PICK1: variants seen among roughly 807,000 people sequenced by gnomAD.
The protein encoded by PICK1 is protein interacting with PRKCA 1.
A neutral mutation model predicts 48.9 loss-of-function variants in PICK1; 23 were observed. The ratio of observed to expected loss-of-function variants is 0.47; its 90% CI spans 0.34 to 0.67. PICK1 has a LOEUF of 0.67. Among genes scored for constraint, PICK1 ranks in the 30% least tolerant of loss-of-function variants. PICK1 has a pLI of 0.01. For missense variants in PICK1, 423 were observed against 557.1 expected, an observed-to-expected ratio of 0.76 and a Z score of 2.42; for synonymous variants, 217 against 228.2, an observed-to-expected ratio of 0.95 and a Z score of 0.44.
At chr22:38,063,106 A>G (rs1222704282) in intron 3 of PICK1, among the ~76,000 whole-genome samples, 2 of 150,650 alleles carry the variant, frequency 1.3e-5, no homozygotes, top group Non-Finnish European at 3.0e-5. Context: ...TGCTTTCTGT[A>G]TTCTCTGTTC....
At position 38,075,030 on chromosome 22, in the gene PICK1, G is replaced by C. The variant is rs762939296; in HGVS notation, c.1146G>C (p.Glu382Asp). 6.8e-6 allele frequency: 11 copies of C among 1,612,578 alleles called. No individual in the cohort carries two copies. The highest frequency in any genetic ancestry group is 8.5e-6 in the Non-Finnish European group (10 of 1,179,638). ...ACCAGGAGGAGTTCACAGATGGGGA[G>C]GAGGAGGAGGAGGAGGAAGACACGG... ...GLNQEEFTDG[E>D]EEEEEEDTAA... Residue 382 changes from glutamate to aspartate, a missense_variant, in exon 13 of 13, where the codon GAG becomes GAC. Transcript: ENST00000356976.
At position 38,073,485 on chromosome 22, in the gene PICK1, AT is replaced by A. The variant is rs547163331; in HGVS notation, c.784-287del. Among the ~76,000 whole-genome samples, 136 of 152,352 alleles carry A rather than the reference AT, an allele frequency of 8.9e-4. No homozygotes were observed. Among genetic ancestry groups the A allele is most frequent in the Non-Finnish European group, 1.7e-3 (117 of 68,044 alleles). Reference sequence around the variant, plus strand: ...CCAAGGTTCCTTTGCTGCAGGACTTATCAGAGCCTTTGCTAGGCTGATGTGC... The same window carrying A: ...CCAAGGTTCCTTTGCTGCAGGACTTACAGAGCCTTTGCTAGGCTGATGTGC... On this transcript the variant is annotated intron_variant, in intron 10 of 12. Coordinates refer to ENST00000356976, the MANE Select transcript of PICK1 (RefSeq NM_012407.4). The surrounding 1 kb of genome is among the most constrained non-coding windows in gnomAD (Gnocchi z 5.7).
chr22:38,068,082 C>T (rs766399450), intron 5 of PICK1: 10 of 517,160 alleles, frequency 1.9e-5, no homozygotes, highest in South Asian at 4.6e-5. Context: ...GCCAGCGCCT[C>T]GGCTTCCATG....
intron 7 of PICK1, 38 bp downstream of exon 7, chr22:38,070,929 C>T: frequency 6.4e-7 from 1 of 1,558,200 alleles, no homozygotes; most frequent in Non-Finnish European, 8.9e-7. Flanking sequence ...ACTAGCTCTA[C>T]CCCAGGGAGC....
chr22:38,062,540 G>T (rs1193515773), intron 3 of PICK1, among the ~76,000 whole-genome samples: 1 of 152,084 alleles, frequency 6.6e-6, no homozygotes, highest in East Asian at 1.9e-4. Flanking sequence ...GAGCCACCAT[G>T]CCCGGCCCCA....
chr22:38,064,781 C>G (rs143837052), intron 3 of PICK1, among the ~76,000 whole-genome samples: 2 of 152,220 alleles, frequency 1.3e-5, no homozygotes, highest in Non-Finnish European at 2.9e-5. Context: ...AATCATTTGA[C>G]TATGTATTTG....
At chr22:38,069,198 C>T (rs759023839) in intron 6 of PICK1, 76 bp downstream of exon 6, 71 of 1,065,954 alleles carry the variant, frequency 6.7e-5, no homozygotes, top group Non-Finnish European at 9.2e-5. Flanking sequence ...ACCATGGCTG[C>T]CCACCAAGCT....
At position 38,074,066 on chromosome 22, in the gene PICK1, G is replaced by C; in HGVS notation, c.835-241G>C. 1 of 630,792 alleles carries C rather than the reference G, an allele frequency of 1.6e-6. No individual in the cohort carries two copies. The highest frequency in any genetic ancestry group is 2.7e-5 in the East Asian group (1 of 36,612). 39.1% of individuals were successfully genotyped at this position (630,792 alleles called of 1,614,324 possible). On this transcript the variant is annotated intron_variant, in intron 11 of 12. Transcript: ENST00000356976. The surrounding 1 kb of genome is among the most constrained non-coding windows in gnomAD (Gnocchi z 4.5). ...AATCGGATTTTCTTCACTCCTATGA[G>C]GCGCTTTTAAGTGTTTGATTTTTCT...
In PICK1 at chr22:38,066,526, T is replaced by TA. The variant is rs753112475; in HGVS notation, c.283-1177dup. ...CTGGGCAGGGATTACTCTCCCATCT[T>TA]ACAGGTGTCCACAGGCGGGGAGTGA... On this transcript the variant is annotated intron_variant, in intron 4 of 12. Transcript: ENST00000356976. This position sits in a 1 kb window ranked among gnomAD's most constrained non-coding sequence, Gnocchi z 4.1. 5.9e-5 allele frequency among the ~76,000 whole-genome samples: 9 copies of TA among 152,338 alleles called. No individual in the cohort carries two copies. Among genetic ancestry groups the TA allele is most frequent in the Non-Finnish European group, 1.0e-4 (7 of 68,026 alleles).
intron 6 of PICK1, 124 bp from the exon 7 acceptor site, chr22:38,070,713 TG>T: frequency 1.2e-6 from 1 of 814,998 alleles, no homozygotes; most frequent in Non-Finnish European, 2.1e-6. Context: ...TCCCCCTCCC[TG>T]GGACCCCTGA....
In PICK1 at chr22:38,059,363, G is replaced by A. The variant is rs1195603345; in HGVS notation, c.153+18G>A. The stretch of plus-strand genomic sequence containing the variant: ...TCGTCCAGGTATTGGGCGCTTTGGA[G>A]GGGGGCACAAGGTACATCCCTACTT... On this transcript the variant is annotated intron_variant, in intron 3 of 12. Transcript: ENST00000356976. The A allele has an allele frequency of 4.7e-6, 7 of 1,488,418 alleles. No homozygotes were observed. The highest frequency in any genetic ancestry group is 1.2e-5 in the South Asian group (1 of 82,768). 92.2% of individuals were successfully genotyped at this position (1,488,418 alleles called of 1,614,324 possible). A position where few individuals can be genotyped will look rare whatever the true frequency, so the allele number is the denominator to read the frequency against.
intron 6 of PICK1, among the ~76,000 whole-genome samples, chr22:38,070,267 C>T (rs761135828): frequency 3.9e-5 from 6 of 152,250 alleles, no homozygotes; most frequent in Admixed American, 6.5e-5. Flanking sequence ...TGCTGTCCAT[C>T]GCCCGGCCAC....
chr22:38,058,067 G>A, intron 2 of PICK1: 1 of 606,882 alleles, frequency 1.6e-6, no homozygotes, highest in Non-Finnish European at 3.0e-6. Context: ...GGCACTATTA[G>A]CATGACTTGG....
At chr22:38,060,006 G>C (rs1332569291) in intron 3 of PICK1, among the ~76,000 whole-genome samples, 1 of 152,208 alleles carries the variant, frequency 6.6e-6, no homozygotes, top group African/African-American at 2.4e-5. Context: ...GAGGTCAGGA[G>C]TTCGAGACCA....
rs570689009 is a variant in PICK1 at position 38,069,228 on chromosome 22, T to C, written c.439+106T>C. On this transcript the variant is annotated intron_variant, in intron 6 of 12. Transcript: ENST00000356976. Reference sequence around the variant, plus strand: ...CAAGCTGCTGTGGGTCCCGCGGGTCTGACCCTGGCCTCTGCCCGTGGAACT... The same window carrying C: ...CAAGCTGCTGTGGGTCCCGCGGGTCCGACCCTGGCCTCTGCCCGTGGAACT... The C allele has an allele frequency of 2.0e-4, 162 of 810,310 alleles. 2 individuals are homozygous for C. The African/African-American group carries it at 2.6e-3, about 13-fold the overall frequency. 50.2% of individuals were successfully genotyped at this position (810,310 alleles called of 1,614,324 possible).
At position 38,069,088 on chromosome 22, in the gene PICK1, T is replaced by C. The variant is rs761319828; in HGVS notation, c.405T>C (p.Asp135=). The change falls in exon 6 of 13, where the codon GAT becomes GAC. Residue 135 remains aspartate (D), a synonymous_variant. Coordinates refer to ENST00000356976, the MANE Select transcript of PICK1 (RefSeq NM_012407.4). ...LVENMSSGTA[D]ALGLSRAILC... ...AGAACATGAGTTCAGGGACCGCAGATGCTCTGGGCCTGAGCCGGGCCATCC... is the reference window on the plus strand; with the variant it reads ...AGAACATGAGTTCAGGGACCGCAGACGCTCTGGGCCTGAGCCGGGCCATCC... 2 of 1,612,796 alleles carry C rather than the reference T, an allele frequency of 1.2e-6. No individual in the cohort carries two copies. Among genetic ancestry groups the C allele is most frequent in the Admixed American group, 3.3e-5 (2 of 59,930 alleles).
chr22:38,061,845 A>G (rs2145860400), intron 3 of PICK1, among the ~76,000 whole-genome samples: 1 of 152,098 alleles, frequency 6.6e-6, no homozygotes, highest in East Asian at 1.9e-4. Context: ...TTGATCTATC[A>G]CCTGTAAATA....
chr22:38,057,864 TC>T lies in PICK1; in HGVS notation c.41+19del. ...AGAGGATAAACTGTGAGTATTTTAT[TC>T]CCCCAAGTTCCAGCAGTATAGGAGC... On this transcript the variant is annotated intron_variant, in intron 2 of 12. Transcript: ENST00000356976. 6.2e-7 allele frequency: 1 copy of T among 1,606,912 alleles called. No homozygotes were observed. The highest frequency in any genetic ancestry group is 8.5e-7 in the Non-Finnish European group (1 of 1,173,430).
At position 38,057,406 on chromosome 22, in the gene PICK1, C is replaced by T. The variant is rs1270352025; in HGVS notation, c.-239C>T. 4.3e-6 allele frequency: 1 copy of T among 230,888 alleles called. No homozygotes were observed. The highest frequency in any genetic ancestry group is 8.6e-6 in the Non-Finnish European group (1 of 115,998). 14.3% of individuals were successfully genotyped at this position (230,888 alleles called of 1,614,324 possible). On this transcript the variant is annotated 5_prime_UTR_variant, in exon 1 of 13. Transcript: ENST00000356976. The stretch of plus-strand genomic sequence containing the variant: ...CCGCGTCTTGCCGGAAGTGACGTGA[C>T]AATCGCGGCCACCGCCAGGTGGAAC...
Sources: allele counts gnomAD v4.1 joint callset (sites outside exome capture counted in the v4.1 genomes callset), GRCh38; gene constraint gnomAD v4.1.1; non-coding constraint Gnocchi (gnomAD v3.1); transcripts MANE v1.5; gene names NCBI Gene and HGNC (gene_info 2026-07-23, HGNC 2026-07-21).